ZNF892: variants seen among roughly 807,000 people sequenced by gnomAD.
ZNF892 encodes zinc finger protein 892.
At chr2:95,241,409 G>A in the ZNF892 span, among the ~76,000 whole-genome samples, 1 of 152,086 alleles carries the variant, frequency 6.6e-6, no homozygotes, top group African/African-American at 2.4e-5. Flanking sequence ...AAGAATACTG[G>A]CCTGATTATT....
chr2:95,245,483 G>T, the ZNF892 span, among the ~76,000 whole-genome samples: 1 of 147,068 alleles, frequency 6.8e-6, no homozygotes, highest in Non-Finnish European at 1.5e-5. Context: ...GTTAGCCAGG[G>T]TGGTCTCGAT....
chr2:95,224,621 C>G, the ZNF892 span, among the ~76,000 whole-genome samples: 1 of 152,162 alleles, frequency 6.6e-6, no homozygotes, highest in Admixed American at 6.5e-5. Flanking sequence ...AATCTGCCCT[C>G]ATGATCCAAT....
At chr2:95,215,126 C>T in the ZNF892 span, 2,920 of 480,690 alleles carry the variant, frequency 6.1e-3, 16 homozygotes, top group Non-Finnish European at 7.1e-3. Context: ...ATAAGTGTAA[C>T]GAATGTGGCA....
the ZNF892 span, among the ~76,000 whole-genome samples, chr2:95,258,737 G>A: frequency 2.0e-5 from 3 of 152,084 alleles, no homozygotes; most frequent in African/African-American, 4.8e-5. Flanking sequence ...CCAGGGCCCC[G>A]TCCATAGGTT....
chr2:95,255,825 AT>A, the ZNF892 span, among the ~76,000 whole-genome samples: 1 of 152,126 alleles, frequency 6.6e-6, no homozygotes, highest in South Asian at 2.1e-4. Context: ...TCCCTTTACC[AT>A]TATGTAATGG....
At chr2:95,207,212 G>A in the ZNF892 span, among the ~76,000 whole-genome samples, 1 of 152,218 alleles carries the variant, frequency 6.6e-6, no homozygotes, top group Non-Finnish European at 1.5e-5. Flanking sequence ...ATGGAGCACC[G>A]CAGCCCGGGA....
the ZNF892 span, among the ~76,000 whole-genome samples, chr2:95,229,477 A>G: frequency 6.6e-6 from 1 of 151,826 alleles, no homozygotes; most frequent in South Asian, 2.1e-4. Flanking sequence ...TCACCTCCCC[A>G]TCCCTGTGGG....
the ZNF892 span, among the ~76,000 whole-genome samples, chr2:95,258,613 G>C: frequency 2.0e-5 from 3 of 152,162 alleles, no homozygotes; most frequent in Non-Finnish European, 4.4e-5. Context: ...GACAAAGAAC[G>C]AGGGAGTTGA....
At chr2:95,233,230 C>T in the ZNF892 span, among the ~76,000 whole-genome samples, 3 of 150,600 alleles carry the variant, frequency 2.0e-5, no homozygotes. Context: ...GGCAGATTCT[C>T]ACTCTGTCGC....
the ZNF892 span, among the ~76,000 whole-genome samples, chr2:95,222,894 C>A: frequency 6.6e-6 from 1 of 152,160 alleles, no homozygotes; most frequent in African/African-American, 2.4e-5. Flanking sequence ...TTTTCACTTA[C>A]ATCCATTTTA....
the ZNF892 span, among the ~76,000 whole-genome samples, chr2:95,250,351 C>G: frequency 6.6e-6 from 1 of 151,724 alleles, no homozygotes; most frequent in South Asian, 2.1e-4. Context: ...CAAGACACGC[C>G]TGATTTAATT....
At chr2:95,255,476 G>A in the ZNF892 span, among the ~76,000 whole-genome samples, 1 of 152,136 alleles carries the variant, frequency 6.6e-6, no homozygotes, top group Non-Finnish European at 1.5e-5. Context: ...TTTTACATTT[G>A]CTGAGGAGTG....
chr2:95,248,990 C>T, the ZNF892 span, among the ~76,000 whole-genome samples: 8 of 151,786 alleles, frequency 5.3e-5, no homozygotes, highest in Non-Finnish European at 7.4e-5. Context: ...CTACATAGCC[C>T]AGGCTGAATG....
chr2:95,221,505 T>C, the ZNF892 span, among the ~76,000 whole-genome samples: 1 of 152,220 alleles, frequency 6.6e-6, no homozygotes, highest in African/African-American at 2.4e-5. Flanking sequence ...GTTGCATTCA[T>C]CTGTTAAACT....
chr2:95,260,178 C>G, the ZNF892 span, among the ~76,000 whole-genome samples: 2 of 152,224 alleles, frequency 1.3e-5, no homozygotes, highest in Non-Finnish European at 2.9e-5. Context: ...TCCCAGCAGC[C>G]TGCTGCCTGT....
chr2:95,250,618 CTATTCATAAATTATAA>C, the ZNF892 span, among the ~76,000 whole-genome samples: 1 of 130,904 alleles, frequency 7.6e-6, no homozygotes, highest in Admixed American at 7.8e-5. Flanking sequence ...TAAATATAAA[CTATTCATAAATTATAA>C]ATTTATAAAT....
At chr2:95,237,323 C>T in the ZNF892 span, among the ~76,000 whole-genome samples, 5 of 151,784 alleles carry the variant, frequency 3.3e-5, no homozygotes, top group Admixed American at 6.6e-5. Flanking sequence ...AATTTTTGTA[C>T]GTTTAGTAGA....
chr2:95,227,739 C>T, the ZNF892 span, among the ~76,000 whole-genome samples: 3 of 152,072 alleles, frequency 2.0e-5, no homozygotes, highest in Admixed American at 2.0e-4. Flanking sequence ...GCCTCAGCTT[C>T]CCGAGTATCT....
At chr2:95,261,641 G>C in the ZNF892 span, among the ~76,000 whole-genome samples, 5,576 of 152,276 alleles carry the variant, frequency 0.037, 149 homozygotes, top group Admixed American at 0.072. Flanking sequence ...ACAGGGACTG[G>C]CTCCCAGATT....
Sources: allele counts gnomAD v4.1 joint callset (sites outside exome capture counted in the v4.1 genomes callset), GRCh38; gene constraint gnomAD v4.1.1; transcripts MANE v1.5; gene names NCBI Gene and HGNC (gene_info 2026-07-23, HGNC 2026-07-21).